Variants in EPB41L2 observed in about 807,000 individuals in gnomAD.
EPB41L2 encodes the protein erythrocyte membrane protein band 4.1 like 2, also known as band 4.1-like protein 2.
A neutral mutation model predicts 113.0 loss-of-function variants in EPB41L2; 43 were observed. The ratio of observed to expected loss-of-function variants is 0.38; its 90% CI spans 0.30 to 0.49. The LOEUF (loss-of-function observed/expected upper bound fraction) is 0.49. Among genes scored for constraint, EPB41L2 ranks in the 20% least tolerant of loss-of-function variants. The probability of loss-of-function intolerance (pLI) is 0.95; values close to 1 mark genes in which losing one functional copy is unlikely to be tolerated. For synonymous variants in EPB41L2, 442 were observed against 436.7 expected (o/e 1.01, Z -0.15); for missense variants, 1,147 against 1,223.4 (o/e 0.94, Z 0.93).
At chr6:130,846,649 T>C (rs1166202253) in intron 19 of EPB41L2, among the ~76,000 whole-genome samples, 1 of 152,206 alleles carries the variant, frequency 6.6e-6, no homozygotes, top group Admixed American at 6.5e-5. Flanking sequence ...AGACCCCACC[T>C]TCTTAGGAGG....
chr6:130,926,699 T>C lies in EPB41L2; in HGVS notation c.716A>G (p.Lys239Arg), dbSNP rs761868147. Residue 239 changes from lysine (K) to arginine (R), a missense_variant, in exon 4 of 20, where the codon AAG becomes AGG. Transcript: ENST00000337057. ...EYSCDLEKHA[K>R]GQVLFDKVCE... ...CACTTTGTCAAATAACACTTGTCCC[T>C]TGGCATGTTTCTGGAGAAAAAATAA... 4 of 1,596,922 alleles carry C rather than the reference T, an allele frequency of 2.5e-6. No individual in the cohort carries two copies. The highest frequency in any genetic ancestry group is 3.4e-6 in the Non-Finnish European group (4 of 1,175,368).
chr6:130,982,510 A>T (rs2128677800), intron 1 of EPB41L2, among the ~76,000 whole-genome samples: 1 of 152,342 alleles, frequency 6.6e-6, no homozygotes, highest in Admixed American at 6.5e-5. Flanking sequence ...AAATAAAAAA[A>T]TAGGGGGAAA....
chr6:131,052,339 G>A (rs1315414757), intron 1 of EPB41L2, among the ~76,000 whole-genome samples: 1 of 152,128 alleles, frequency 6.6e-6, no homozygotes, highest in East Asian at 1.9e-4. Context: ...GAAATATAGA[G>A]CCCAGAAAAA....
Position 131,056,511 on chromosome 6 carries a change from T to C in EPB41L2, c.-15+6644A>G, listed in dbSNP as rs188725348. ...GAAATTGTTAAAAAGTGGTTTTAAC[T>C]TGTGATCACCATAGGAAATTACTGT... On this transcript the variant is annotated intron_variant, in intron 1 of 19. Transcript: ENST00000337057. 2.0e-3 allele frequency among the ~76,000 whole-genome samples: 308 copies of C among 152,324 alleles called. 1 individual carries two copies. Among genetic ancestry groups the C allele is most frequent in the African/African-American group, 7.3e-3 (302 of 41,572 alleles).
At chr6:131,051,182 G>A (rs987910054) in intron 1 of EPB41L2, among the ~76,000 whole-genome samples, 3 of 151,948 alleles carry the variant, frequency 2.0e-5, no homozygotes, top group African/African-American at 7.3e-5. Flanking sequence ...CACCCTAGAT[G>A]TTCACTCAAT....
intron 4 of EPB41L2, among the ~76,000 whole-genome samples, chr6:130,912,316 A>C (rs1310744227): frequency 6.6e-6 from 1 of 152,242 alleles, no homozygotes; most frequent in Non-Finnish European, 1.5e-5. Flanking sequence ...TAGTACACAG[A>C]AAATAACCTG....
intron 17 of EPB41L2, among the ~76,000 whole-genome samples, chr6:130,864,955 A>G (rs977497895): frequency 6.6e-6 from 1 of 152,194 alleles, no homozygotes; most frequent in Non-Finnish European, 1.5e-5. Flanking sequence ...GCTTCTTAAG[A>G]CAATTCTAAG....
At chr6:130,867,647 C>A in intron 15 of EPB41L2, 66 bp from the exon 16 acceptor site, 1 of 1,569,742 alleles carries the variant, frequency 6.4e-7, no homozygotes, top group African/African-American at 1.4e-5. Flanking sequence ...TTAATGGAAC[C>A]TTCACAAATA....
At chr6:130,848,182 GTCTCTCTCTC>G (rs903761832) in intron 19 of EPB41L2, among the ~76,000 whole-genome samples, 1 of 121,006 alleles carries the variant, frequency 8.3e-6, no homozygotes, top group Non-Finnish European at 1.9e-5. Context: ...GTCTCTCTCT[GTCTCTCTCTC>G]TCTCTCTCAC....
intron 1 of EPB41L2, among the ~76,000 whole-genome samples, chr6:131,013,077 A>C (rs1164882237): frequency 6.6e-6 from 1 of 152,230 alleles, no homozygotes; most frequent in Non-Finnish European, 1.5e-5. Flanking sequence ...GGTGTAACCA[A>C]TGTAAGAACA....
chr6:130,857,700 G>A (rs1416626673), intron 19 of EPB41L2, among the ~76,000 whole-genome samples: 1 of 151,690 alleles, frequency 6.6e-6, no homozygotes, highest in Non-Finnish European at 1.5e-5. Context: ...GGGATTACAG[G>A]CATGCACCAA....
intron 1 of EPB41L2, among the ~76,000 whole-genome samples, chr6:131,049,147 C>T (rs1026935623): frequency 6.6e-6 from 1 of 152,226 alleles, no homozygotes; most frequent in African/African-American, 2.4e-5. Context: ...AGAATATCTT[C>T]AACGTACCTT....
intron 1 of EPB41L2, among the ~76,000 whole-genome samples, chr6:131,062,049 T>G (rs554782178): frequency 6.6e-6 from 1 of 152,100 alleles, no homozygotes; most frequent in Non-Finnish European, 1.5e-5. Context: ...CCCAGGGATC[T>G]TAAAATTAAG....
intron 3 of EPB41L2, among the ~76,000 whole-genome samples, chr6:130,929,136 G>T (rs1454437894): frequency 1.3e-5 from 2 of 152,076 alleles, no homozygotes; most frequent in East Asian, 3.9e-4. Flanking sequence ...AATCTGGAAG[G>T]AAAAGCAAAA....
At chr6:130,845,479 G>A (rs1778605704) in intron 19 of EPB41L2, among the ~76,000 whole-genome samples, 1 of 152,132 alleles carries the variant, frequency 6.6e-6, no homozygotes, top group African/African-American at 2.4e-5. Context: ...CTGGACTCAA[G>A]GGATCCTCCT....
rs778888711 is a variant in EPB41L2 at position 130,967,459 on chromosome 6, CATATGCAGG to C, written c.-14-10969_-14-10961del. Among the ~76,000 whole-genome samples, 1,303 of 152,234 alleles carry C rather than the reference CATATGCAGG, an allele frequency of 8.6e-3. 9 individuals are homozygous for C. Among genetic ancestry groups the C allele is most frequent in the South Asian group, 0.02 (97 of 4,818 alleles). ...GCTTTTGCTAACAATAATACCGGTG[CATATGCAGG>C]CAGCGTAAAAAGATTATTCGTATTC... is the stretch of plus-strand genomic sequence containing the variant. On this transcript the variant is annotated intron_variant, in intron 1 of 19. Transcript: ENST00000337057.
At chr6:130,951,219 T>C (rs1814819619) in intron 3 of EPB41L2, among the ~76,000 whole-genome samples, 1 of 109,480 alleles carries the variant, frequency 9.1e-6, no homozygotes. Flanking sequence ...ATCATGCCAC[T>C]GCACTCCAGC....
intron 1 of EPB41L2, among the ~76,000 whole-genome samples, chr6:130,957,628 CT>C (rs1817875824): frequency 8.9e-6 from 1 of 112,630 alleles, no homozygotes; most frequent in Non-Finnish European, 1.7e-5. Flanking sequence ...GACCCCATCT[CT>C]TAAAAAAAAA....
chr6:131,036,986 G>A (rs1793457653), intron 1 of EPB41L2, among the ~76,000 whole-genome samples: 1 of 152,136 alleles, frequency 6.6e-6, no homozygotes. Context: ...GTTGTGAGCT[G>A]ATCTCCTCCA....
Sources: gnomAD v4.1 joint callset for allele counts (sites outside exome capture counted in the v4.1 genomes callset) on GRCh38, gnomAD v4.1.1 for gene constraint, MANE v1.5 for transcripts, NCBI Gene and HGNC (gene_info 2026-07-23, HGNC 2026-07-21) for gene names.